The following PRELID2 variants were observed in gnomAD, a reference collection of about 807,000 sequenced individuals.
The protein encoded by PRELID2 is PRELI domain-containing protein 2.
PRELID2 carries 25 observed loss-of-function variants against 28.4 expected under a neutral mutation model. The ratio of observed to expected loss-of-function variants is 0.88; its 90% CI spans 0.64 to 1.23. PRELID2 has a LOEUF of 1.23. Among genes scored for constraint, PRELID2 ranks in the 50% most tolerant of loss-of-function variants. The pLI, the probability that PRELID2 is intolerant of heterozygous loss-of-function variation, is 0.00. For synonymous variants in PRELID2, 76 were observed against 71.6 expected, an observed-to-expected ratio of 1.06 and a Z score of -0.31; for missense variants, 201 against 214.4, an observed-to-expected ratio of 0.94 and a Z score of 0.39.
At chr5:145,507,507 G>T (rs1222570279) in intron 1 of PRELID2, among the ~76,000 whole-genome samples, 1 of 152,168 alleles carries the variant, frequency 6.6e-6, no homozygotes, top group Non-Finnish European at 1.5e-5. Context: ...GAAGGGATAT[G>T]TGTTTTCCAG....
chr5:145,357,449 T>G, the PRELID2 span, among the ~76,000 whole-genome samples: 1 of 152,212 alleles, frequency 6.6e-6, no homozygotes, highest in Non-Finnish European at 1.5e-5. Flanking sequence ...TTATTGTTTT[T>G]TCTTTATTTT....
chr5:145,579,263 C>T (rs1485156045), intron 1 of PRELID2, among the ~76,000 whole-genome samples: 2 of 152,050 alleles, frequency 1.3e-5, no homozygotes, highest in African/African-American at 2.4e-5. Context: ...TTAGAAACTT[C>T]CCAGAGGAAA....
chr5:145,409,047 G>T, the PRELID2 span, among the ~76,000 whole-genome samples: 1 of 152,140 alleles, frequency 6.6e-6, no homozygotes, highest in Non-Finnish European at 1.5e-5. Flanking sequence ...AAGCCAGAAA[G>T]GATTGGGGTC....
intron 1 of PRELID2, among the ~76,000 whole-genome samples, chr5:145,481,775 C>T (rs1405317661): frequency 6.6e-6 from 1 of 151,874 alleles, no homozygotes; most frequent in African/African-American, 2.4e-5. Context: ...CATCAGAATG[C>T]CTCATATATA....
intron 1 of PRELID2, among the ~76,000 whole-genome samples, chr5:145,611,661 T>C (rs951029596): frequency 2.0e-5 from 3 of 152,224 alleles, no homozygotes; most frequent in Non-Finnish European, 1.5e-5. Flanking sequence ...GAATATACTA[T>C]TATCAGATAC....
At chr5:145,381,624 A>G in the PRELID2 span, 8 of 152,594 alleles carry the variant, frequency 5.2e-5, no homozygotes, top group African/African-American at 1.7e-4. Flanking sequence ...CAACGTAAAG[A>G]GCCTTGGTAT....
At chr5:145,312,791 G>T in the PRELID2 span, among the ~76,000 whole-genome samples, 2 of 151,374 alleles carry the variant, frequency 1.3e-5, no homozygotes, top group Non-Finnish European at 2.9e-5. Flanking sequence ...TCCATATTTT[G>T]ATTATTATGA....
intron 1 of PRELID2, among the ~76,000 whole-genome samples, chr5:145,478,401 G>C (rs1390784553): frequency 6.6e-6 from 1 of 151,934 alleles, no homozygotes; most frequent in Non-Finnish European, 1.5e-5. Context: ...CAAAAGATTA[G>C]CCGGGCATGG....
chr5:145,349,294 T>C, the PRELID2 span, among the ~76,000 whole-genome samples: 2 of 152,184 alleles, frequency 1.3e-5, no homozygotes, highest in Admixed American at 6.5e-5. Context: ...AAATATTTTT[T>C]TTCAGAATTA....
At chr5:145,629,875 T>C (rs1753908562) in intron 1 of PRELID2, among the ~76,000 whole-genome samples, 1 of 152,176 alleles carries the variant, frequency 6.6e-6, no homozygotes, top group African/African-American at 2.4e-5. Flanking sequence ...ACTATAGGTA[T>C]TGTCTGGAAA....
chr5:145,743,673 T>C (rs889232554), intron 1 of PRELID2, among the ~76,000 whole-genome samples: 1 of 152,082 alleles, frequency 6.6e-6, no homozygotes, highest in African/African-American at 2.4e-5. Context: ...TCCACGAAAC[T>C]GTGCAACCCG....
the PRELID2 span, among the ~76,000 whole-genome samples, chr5:145,392,348 T>C: frequency 8.5e-5 from 13 of 152,094 alleles, no homozygotes; most frequent in African/African-American, 2.7e-4. Flanking sequence ...AAGCCAGTTA[T>C]AAAACCATCA....
intron 1 of PRELID2, among the ~76,000 whole-genome samples, chr5:145,708,819 T>C (rs872565): frequency 0.073 from 11,070 of 152,242 alleles, 695 homozygotes; most frequent in African/African-American, 0.16. Flanking sequence ...AGTGCCAAGT[T>C]TCCTCATGCA....
At chr5:145,824,905 A>G in intron 1 of PRELID2, among the ~76,000 whole-genome samples, 1 of 152,030 alleles carries the variant, frequency 6.6e-6, no homozygotes, top group Non-Finnish European at 1.5e-5. Context: ...TTATATATTC[A>G]TTCATTCACT....
chr5:145,270,270 C>T, the PRELID2 span, among the ~76,000 whole-genome samples: 3 of 152,018 alleles, frequency 2.0e-5, no homozygotes, highest in Admixed American at 2.0e-4. Context: ...ATATGTGACC[C>T]TAAAATACAC....
chr5:145,301,174 A>C, the PRELID2 span, among the ~76,000 whole-genome samples: 1 of 152,052 alleles, frequency 6.6e-6, no homozygotes, highest in Non-Finnish European at 1.5e-5. Flanking sequence ...CAAATTTTTT[A>C]ATTGTAATTA....
chr5:145,469,566 C>T (rs1328522713), downstream of PRELID2, among the ~76,000 whole-genome samples: 1 of 151,974 alleles, frequency 6.6e-6, no homozygotes, highest in African/African-American at 2.4e-5. Flanking sequence ...TTCCATTAAG[C>T]TTGATGACTC....
intron 1 of PRELID2, among the ~76,000 whole-genome samples, chr5:145,599,205 C>A (rs528484377): frequency 6.6e-6 from 1 of 152,310 alleles, no homozygotes; most frequent in African/African-American, 2.4e-5. Flanking sequence ...CTGCCCATGA[C>A]AGTTCTATTA....
At chr5:145,491,466 T>A (rs1046655231) in intron 1 of PRELID2, among the ~76,000 whole-genome samples, 1 of 152,192 alleles carries the variant, frequency 6.6e-6, no homozygotes, top group African/African-American at 2.4e-5. Flanking sequence ...TGTACAAATA[T>A]TTTGAAGTAT....
Sources: allele counts gnomAD v4.1 joint callset (sites outside exome capture counted in the v4.1 genomes callset), GRCh38; gene constraint gnomAD v4.1.1; transcripts MANE v1.5; gene names NCBI Gene and HGNC (gene_info 2026-07-23, HGNC 2026-07-21).